Variants in ANKS1B observed in about 807,000 individuals in gnomAD.
The protein encoded by ANKS1B is ankyrin repeat and sterile alpha motif domain-containing protein 1B.
A neutral mutation model predicts 148.3 loss-of-function variants in ANKS1B; 36 were observed. The observed-to-expected ratio is 0.24, with a 90% CI of 0.19 to 0.32. The LOEUF (loss-of-function observed/expected upper bound fraction) is 0.32, where lower values mean the gene tolerates loss of function less well. Among genes scored for constraint, ANKS1B ranks in the 10% least tolerant of loss-of-function variants. ANKS1B has a pLI of 1.00. For synonymous variants in ANKS1B, 542 were observed against 560.8 expected (o/e 0.97, Z 0.47); for missense variants, 1,157 against 1,542.6 (o/e 0.75, Z 4.19).
At chr12:99,934,960 G>C (rs1206754187) in intron 1 of ANKS1B, among the ~76,000 whole-genome samples, 1 of 152,082 alleles carries the variant, frequency 6.6e-6, no homozygotes, top group Non-Finnish European at 1.5e-5. Context: ...CTGGTGATCT[G>C]GGATAAGAGC....
chr12:99,023,847 T>G (rs2099947218), intron 17 of ANKS1B, among the ~76,000 whole-genome samples: 1 of 149,510 alleles, frequency 6.7e-6, no homozygotes, highest in Non-Finnish European at 1.5e-5. Flanking sequence ...ATTTTGTGTA[T>G]ATATTATAGA....
intron 25 of ANKS1B, among the ~76,000 whole-genome samples, chr12:98,766,699 T>G (rs1235672825): frequency 6.6e-6 from 1 of 152,230 alleles, no homozygotes; most frequent in East Asian, 1.9e-4. Flanking sequence ...ATCTTTAAGT[T>G]CTCACTTTGT....
intron 17 of ANKS1B, among the ~76,000 whole-genome samples, chr12:98,927,450 G>A (rs549871669): frequency 3.9e-4 from 60 of 152,068 alleles, no homozygotes; most frequent in Non-Finnish European, 6.2e-4. Context: ...AAATATAAAA[G>A]ACAATATAAA....
At chr12:99,884,888 C>T (rs182597568) in intron 1 of ANKS1B, among the ~76,000 whole-genome samples, 1 of 151,584 alleles carries the variant, frequency 6.6e-6, no homozygotes, top group East Asian at 1.9e-4. Flanking sequence ...AATTTTATTG[C>T]ATTTTAACGT....
chr12:99,439,896 T>C (rs935877462), intron 11 of ANKS1B, among the ~76,000 whole-genome samples: 2 of 151,792 alleles, frequency 1.3e-5, no homozygotes, highest in African/African-American at 2.4e-5. Context: ...CAAGGATCAA[T>C]CAACAGGAGA....
chr12:99,679,473 A>G (rs1278481045), intron 8 of ANKS1B, among the ~76,000 whole-genome samples: 1 of 151,926 alleles, frequency 6.6e-6, no homozygotes, highest in African/African-American at 2.4e-5. Context: ...ACACCCAGAT[A>G]ATTTTTTTTT....
intron 9 of ANKS1B, among the ~76,000 whole-genome samples, chr12:99,608,027 T>C (rs924302568): frequency 6.6e-6 from 1 of 152,018 alleles, no homozygotes; most frequent in Non-Finnish European, 1.5e-5. Flanking sequence ...CCATTCAAAA[T>C]AACCAGCTGA....
chr12:98,803,482 A>G (rs1377434423), intron 20 of ANKS1B, among the ~76,000 whole-genome samples: 2 of 152,134 alleles, frequency 1.3e-5, no homozygotes, highest in Non-Finnish European at 1.5e-5. Flanking sequence ...TTTGCATGCA[A>G]CTCCGTGGAA....
At chr12:99,503,412 G>A (rs1279049618) in intron 10 of ANKS1B, among the ~76,000 whole-genome samples, 1 of 152,078 alleles carries the variant, frequency 6.6e-6, no homozygotes, top group Non-Finnish European at 1.5e-5. Context: ...GCTACTCTGT[G>A]GGGAAGCAAG....
At chr12:99,834,357 C>T (rs1181987908) in intron 1 of ANKS1B, among the ~76,000 whole-genome samples, 1 of 152,088 alleles carries the variant, frequency 6.6e-6, no homozygotes, top group Non-Finnish European at 1.5e-5. Flanking sequence ...CACCCAAATC[C>T]CATTTCTTAT....
intron 1 of ANKS1B, among the ~76,000 whole-genome samples, chr12:99,966,626 T>C (rs1777913017): frequency 6.6e-6 from 1 of 152,300 alleles, no homozygotes; most frequent in East Asian, 1.9e-4. Flanking sequence ...TAAATGATTT[T>C]TGTAAGGGCC....
intron 8 of ANKS1B, among the ~76,000 whole-genome samples, chr12:99,668,511 G>A (rs2098520645): frequency 6.6e-6 from 1 of 151,732 alleles, no homozygotes; most frequent in Non-Finnish European, 1.5e-5. Context: ...CCTAAGCACT[G>A]CACTAGCTTT....
intron 8 of ANKS1B, among the ~76,000 whole-genome samples, chr12:99,772,160 TC>T (rs1835690083): frequency 6.6e-6 from 1 of 152,124 alleles, no homozygotes; most frequent in African/African-American, 2.4e-5. Flanking sequence ...CTATAGTTTT[TC>T]TTGCTTTTGT....
At chr12:99,195,022 A>G (rs1171607432) in intron 14 of ANKS1B, among the ~76,000 whole-genome samples, 1 of 152,180 alleles carries the variant, frequency 6.6e-6, no homozygotes, top group Admixed American at 6.5e-5. Flanking sequence ...GAACTTTGAA[A>G]ACATTGGATT....
intron 22 of ANKS1B, chr12:98,794,860 A>C: frequency 6.2e-7 from 1 of 1,604,382 alleles, no homozygotes; most frequent in Non-Finnish European, 8.5e-7. Context: ...CAAAGAAGTC[A>C]AGCAAAACAT....
At chr12:99,052,600 C>T (rs1355732556) in intron 17 of ANKS1B, among the ~76,000 whole-genome samples, 10 of 148,504 alleles carry the variant, frequency 6.7e-5, no homozygotes, top group East Asian at 2.1e-4. Flanking sequence ...CGGTGGCGGG[C>T]GCCTGTAGTC....
intron 8 of ANKS1B, among the ~76,000 whole-genome samples, chr12:99,692,939 C>A (rs1397995612): frequency 6.6e-6 from 1 of 152,128 alleles, no homozygotes; most frequent in Non-Finnish European, 1.5e-5. Context: ...CTAGAAGTAA[C>A]AGAGTCATTG....
chr12:98,823,464 G>A lies in ANKS1B; in HGVS notation c.3066+5710C>T, dbSNP rs181237604. On this transcript the variant is annotated intron_variant, in intron 19 of 26. Transcript: ENST00000683438. ...AAAAATCTGATGTGACACAGTAATA[G>A]GAAAACTTGTTTAGTTTGGGGAAAA... 3.6e-3 allele frequency among the ~76,000 whole-genome samples: 550 copies of A among 152,302 alleles called. 4 individuals carry two copies. Among genetic ancestry groups the A allele is most frequent in the African/African-American group, 0.012 (507 of 41,576 alleles).
At chr12:99,698,999 T>C (rs1237585909) in intron 8 of ANKS1B, among the ~76,000 whole-genome samples, 2 of 152,108 alleles carry the variant, frequency 1.3e-5, no homozygotes, top group African/African-American at 4.8e-5. Flanking sequence ...CGCAAGCACA[T>C]GTGCGTGCTC....
Sources: gnomAD v4.1 joint callset for allele counts (sites outside exome capture counted in the v4.1 genomes callset) on GRCh38, gnomAD v4.1.1 for gene constraint, MANE v1.5 for transcripts, NCBI Gene and HGNC (gene_info 2026-07-23, HGNC 2026-07-21) for gene names.